The following C6orf89 variants were observed in gnomAD, a reference collection of about 807,000 sequenced individuals.
The protein encoded by C6orf89 is bombesin receptor-activated protein C6orf89.
In C6orf89, 29 loss-of-function variants were observed where a neutral mutation model predicts 40.7. That is an observed-to-expected ratio of 0.71 (90% CI 0.53 to 0.97). The LOEUF (loss-of-function observed/expected upper bound fraction) is 0.97. Ranked by LOEUF, C6orf89 falls within the 50% of genes least tolerant of loss-of-function variation. The pLI, the probability that C6orf89 is intolerant of heterozygous loss-of-function variation, is 0.00. For synonymous variants in C6orf89, 165 were observed against 152.2 expected, an observed-to-expected ratio of 1.08 and a Z score of -0.62; for missense variants, 392 against 429.1, an observed-to-expected ratio of 0.91 and a Z score of 0.76.
chr6:36,896,939 C>A (rs998632097), intron 2 of C6orf89, among the ~76,000 whole-genome samples: 12 of 151,628 alleles, frequency 7.9e-5, no homozygotes, highest in Admixed American at 1.3e-4. Context: ...ACCAGCCTGG[C>A]CAACATGGTG....
At chr6:36,889,722 A>T (rs918831483) in intron 1 of C6orf89, among the ~76,000 whole-genome samples, 6 of 152,244 alleles carry the variant, frequency 3.9e-5, no homozygotes, top group Non-Finnish European at 7.3e-5. Flanking sequence ...TTTTAAAAAA[A>T]TTTGATAGTT....
intron 3 of C6orf89, among the ~76,000 whole-genome samples, chr6:36,900,308 TCTC>T (rs1400400495): frequency 6.7e-6 from 1 of 149,594 alleles, no homozygotes; most frequent in Non-Finnish European, 1.5e-5. Context: ...TTCAAACGAT[TCTC>T]CTGCCTCAGC....
At chr6:36,882,441 C>T (rs1451484054), upstream of C6orf89, among the ~76,000 whole-genome samples, 1 of 152,236 alleles carries the variant, frequency 6.6e-6, no homozygotes, top group East Asian at 1.9e-4. Flanking sequence ...TTCAAGAGGA[C>T]GTAAGTCCCG....
At chr6:36,879,599 A>T (rs1176753277) in intron 2 of C6orf89, among the ~76,000 whole-genome samples, 2 of 152,178 alleles carry the variant, frequency 1.3e-5, no homozygotes. Flanking sequence ...ATGCAAAAAA[A>T]ATTCTGAGGT....
At chr6:36,901,332 T>TTA in intron 3 of C6orf89, among the ~76,000 whole-genome samples, 1 of 54,676 alleles carries the variant, frequency 1.8e-5, no homozygotes, top group Non-Finnish European at 4.0e-5. Flanking sequence ...TTTTTTTTTT[T>TTA]TTTTTTTTTT....
intron 1 of C6orf89, among the ~76,000 whole-genome samples, chr6:36,886,887 C>A (rs1317094143): frequency 2.6e-5 from 4 of 152,186 alleles, no homozygotes; most frequent in African/African-American, 9.7e-5. Context: ...AAATTCAATT[C>A]TGCTACATTG....
In C6orf89 at chr6:36,925,498, A is replaced by AT. The variant is rs1475726766; in HGVS notation, c.*2061dup. 6 of 152,166 alleles carry AT rather than the reference A, an allele frequency of 3.9e-5. No homozygotes were observed. The highest frequency in any genetic ancestry group is 8.8e-5 in the Non-Finnish European group (6 of 68,012). The allele number at this position is 152,166 out of a possible 1,614,324, so 9.4% of individuals were successfully genotyped here. A position where few individuals can be genotyped will look rare whatever the true frequency, so the allele number is the denominator to read the frequency against. On this transcript the variant is annotated 3_prime_UTR_variant, in exon 9 of 9. Transcript: ENST00000480824. ...CCCGTGGGAAAGTCCCCTAAGTCCCATTTTGTACTTCAACAAAAAATGACT... is the reference window on the plus strand; with the variant it reads ...CCCGTGGGAAAGTCCCCTAAGTCCCATTTTTGTACTTCAACAAAAAATGACT...
At chr6:36,885,590 T>C (rs1200414306), upstream of C6orf89, among the ~76,000 whole-genome samples, 1 of 152,232 alleles carries the variant, frequency 6.6e-6, no homozygotes, top group Non-Finnish European at 1.5e-5. Flanking sequence ...AAGGGGCTGC[T>C]CTTCATTTAC....
chr6:36,877,112 G>A (rs1274684818), intron 1 of C6orf89, among the ~76,000 whole-genome samples: 1 of 152,110 alleles, frequency 6.6e-6, no homozygotes, highest in African/African-American at 2.4e-5. Flanking sequence ...TATTCATGTT[G>A]TATGTAGTGG....
chr6:36,877,642 A>G (rs561347197), intron 1 of C6orf89, among the ~76,000 whole-genome samples: 4 of 152,274 alleles, frequency 2.6e-5, no homozygotes, highest in African/African-American at 9.6e-5. Context: ...GGCTGTAGCA[A>G]TTTATGTATG....
intron 3 of C6orf89, 128 bp from the exon 4 acceptor site, chr6:36,902,093 T>G: frequency 4.0e-6 from 3 of 749,054 alleles, no homozygotes; most frequent in Non-Finnish European, 4.4e-6. Flanking sequence ...AGTGGCTTGT[T>G]TATGAAAATG....
intron 8 of C6orf89, among the ~76,000 whole-genome samples, chr6:36,920,730 T>C (rs1166046667): frequency 5.9e-5 from 9 of 152,194 alleles, no homozygotes; most frequent in Non-Finnish European, 1.3e-4. Flanking sequence ...ACGAGGATTC[T>C]TGTATGGAAA....
At chr6:36,899,879 G>A (rs932090817) in intron 3 of C6orf89, among the ~76,000 whole-genome samples, 1 of 152,092 alleles carries the variant, frequency 6.6e-6, no homozygotes, top group Non-Finnish European at 1.5e-5. Flanking sequence ...TTTATTATTT[G>A]TTTGTTTGTT....
chr6:36,905,396 G>C (rs898563143), intron 4 of C6orf89, among the ~76,000 whole-genome samples: 47 of 152,184 alleles, frequency 3.1e-4, no homozygotes, highest in African/African-American at 1.1e-3. Flanking sequence ...TTCTACCACT[G>C]TCTCTCTCGG....
intron 4 of C6orf89, 86 bp downstream of exon 4, chr6:36,902,520 T>C: frequency 8.2e-7 from 1 of 1,216,840 alleles, no homozygotes; most frequent in Non-Finnish European, 1.2e-6. Context: ...TGATACCTAA[T>C]GAGAGGCAAG....
chr6:36,889,643 A>G (rs563098201), intron 1 of C6orf89, among the ~76,000 whole-genome samples: 1 of 152,154 alleles, frequency 6.6e-6, no homozygotes, highest in East Asian at 1.9e-4. Context: ...GATTAAAGAG[A>G]GGCATGGCAG....
chr6:36,899,444 C>T lies in C6orf89; in HGVS notation c.-1C>T, dbSNP rs370949292. The T allele has an allele frequency of 6.8e-5, 109 of 1,614,104 alleles. No individual in the cohort carries two copies. Among genetic ancestry groups the T allele is most frequent in the Admixed American group, 1.0e-4 (6 of 60,018 alleles). ...CTCTCAGGGATTTTATATTGGAAGA[C>T]ATGGATCTTGCTGCCAACGAGATCA... On this transcript the variant is annotated 5_prime_UTR_variant, in exon 3 of 9. Transcript: ENST00000480824.
At chr6:36,904,760 C>T (rs1583177276) in intron 4 of C6orf89, among the ~76,000 whole-genome samples, 2 of 152,208 alleles carry the variant, frequency 1.3e-5, no homozygotes, top group African/African-American at 4.8e-5. Flanking sequence ...GACAGATTCC[C>T]GAAAGGAAAC....
rs1468139312 is a variant in C6orf89, at chr6:36,905,037, C to T, written c.403+2603C>T. On this transcript the variant is annotated intron_variant, in intron 4 of 8. Coordinates refer to ENST00000480824, the MANE Select transcript of C6orf89 (RefSeq NM_001286635.2). ...TAAGAAGAATGAAGTGACTTTGCAG[C>T]GAGTCATGGAAACATCCCGCTCTGC... Among the ~76,000 whole-genome samples the T allele has an allele frequency of 5.9e-5, 9 of 152,124 alleles. No individual in the cohort carries two copies. In the South Asian group the frequency reaches 1.0e-3, roughly 18 times the overall value.
Sources: gnomAD v4.1 joint callset for allele counts (sites outside exome capture counted in the v4.1 genomes callset) on GRCh38, gnomAD v4.1.1 for gene constraint, MANE v1.5 for transcripts, NCBI Gene and HGNC (gene_info 2026-07-23, HGNC 2026-07-21) for gene names.